Variants in MICALL2 observed in about 807,000 individuals in gnomAD.
MICALL2 encodes the protein MICAL like 2, also known as MICAL-like protein 2.
In MICALL2, 111 loss-of-function variants were observed where a neutral mutation model predicts 91.1. The ratio of observed to expected loss-of-function variants is 1.22; its 90% CI spans 1.04 to 1.43. The LOEUF (loss-of-function observed/expected upper bound fraction) is 1.43. Ranked by LOEUF, MICALL2 falls within the 40% of genes most tolerant of loss-of-function variation. The pLI, the probability that MICALL2 is intolerant of heterozygous loss-of-function variation, is 0.00. For synonymous variants in MICALL2, 694 were observed against 525.3 expected (o/e 1.32, Z -4.39); for missense variants, 1,556 against 1,236.0 (o/e 1.26, Z -3.88).
Position 1,452,474 on chromosome 7 carries a change from T to C in MICALL2, c.144-2186A>G, listed in dbSNP as rs1780870190. Reference sequence around the variant, plus strand: ...GAAAGCTCAAGCTCTTCTGCAGACCTTCCCTAGGGTCACTGACCAAAGCGG... The same window carrying C: ...GAAAGCTCAAGCTCTTCTGCAGACCCTCCCTAGGGTCACTGACCAAAGCGG... On this transcript the variant is annotated intron_variant, in intron 1 of 16. Coordinates refer to ENST00000297508, the MANE Select transcript of MICALL2 (RefSeq NM_182924.4). This position sits in a 1 kb window ranked among gnomAD's most constrained non-coding sequence, Gnocchi z 6.2. Among the ~76,000 whole-genome samples the C allele has an allele frequency of 6.6e-6, 1 of 151,784 alleles. No individual in the cohort carries two copies. The highest frequency in any genetic ancestry group is 2.4e-5 in the African/African-American group (1 of 41,376).
chr7:1,456,916 T>C (rs1781039223), intron 1 of MICALL2, among the ~76,000 whole-genome samples: 1 of 152,204 alleles, frequency 6.6e-6, no homozygotes, highest in African/African-American at 2.4e-5. Context: ...AAGCCTGTAC[T>C]AGCTTCTTCC....
At chr7:1,445,854 G>T (rs1584220851) in intron 5 of MICALL2, among the ~76,000 whole-genome samples, 2 of 152,198 alleles carry the variant, frequency 1.3e-5, no homozygotes, top group East Asian at 3.9e-4. Context: ...GCTGGGGACA[G>T]AAGTAGGGGG....
rs776670542 is a variant in MICALL2 at position 1,436,749 on chromosome 7, G to C, written c.2584C>G (p.Arg862Gly). Residue 862 changes from arginine to glycine, a missense_variant, in exon 15 of 17, where the codon CGG becomes GGG. Physicochemically the swap from Arg to Gly is moderately radical, Grantham distance 125. Coordinates refer to ENST00000297508, the MANE Select transcript of MICALL2 (RefSeq NM_182924.4). Reference sequence around the variant, plus strand: ...CCGGCACCTGCCCCTCACCGGAGCCGGTCCTCGTCCAGCGAGTCCACGATG... The same window carrying C: ...CCGGCACCTGCCCCTCACCGGAGCCCGTCCTCGTCCAGCGAGTCCACGATG... The part of the protein sequence containing the change: ...SDIVDSLDED[R>G]LREQEEDQML... 1.9e-6 allele frequency: 3 copies of C among 1,604,178 alleles called. No homozygotes were observed. Among genetic ancestry groups the C allele is most frequent in the South Asian group, 1.1e-5 (1 of 90,458 alleles).
Position 1,447,748 on chromosome 7 carries a change from C to G in MICALL2, c.352G>C (p.Val118Leu), listed in dbSNP as rs143607097. Residue 118 changes from valine (V) to leucine (L), a missense_variant, in exon 4 of 17, where the codon GTG (valine) becomes CTG (leucine). Transcript: ENST00000297508. ...GRSPIGGMAGVKRASEDSEEE... is the reference protein window; with the variant it reads ...GRSPIGGMAGLKRASEDSEEE... Reference sequence around the variant, plus strand: ...TCAGAGTCCTCCGAGGCCCTCTTCACGCCTGCCATGCCCCCAACTGGAGGA... The same window carrying G: ...TCAGAGTCCTCCGAGGCCCTCTTCAGGCCTGCCATGCCCCCAACTGGAGGA... The G allele has an allele frequency of 2.6e-6, 4 of 1,545,392 alleles. No homozygotes were observed. In the East Asian group the frequency reaches 9.6e-5, roughly 37 times the overall value.
chr7:1,437,548 GA>G lies in MICALL2; in HGVS notation c.2462del (p.Leu821ProfsTer8). On this transcript the variant is annotated frameshift_variant, in exon 14 of 17. Coordinates refer to ENST00000297508, the MANE Select transcript of MICALL2 (RefSeq NM_182924.4). LOFTEE classifies it high-confidence loss of function. ...QLDIEGELRR[L>X]MAKPEALKSL... ...CGGGGGACGCACCGGGCTTGGCCAT[GA>G]GCCGGCGCAGCTCGCCCTCGATGTC... 6.5e-7 allele frequency: 1 copy of G among 1,529,126 alleles called. No individual in the cohort carries two copies. Among genetic ancestry groups the G allele is most frequent in the Non-Finnish European group, 8.7e-7 (1 of 1,144,040 alleles). The allele number at this position is 1,529,126 out of a possible 1,614,324, so 94.7% of individuals were successfully genotyped here. A position where few individuals can be genotyped will look rare whatever the true frequency, so the allele number is the denominator to read the frequency against.
chr7:1,454,796 C>A (rs997313907), intron 1 of MICALL2, among the ~76,000 whole-genome samples: 2 of 152,140 alleles, frequency 1.3e-5, no homozygotes, highest in Admixed American at 1.3e-4. Context: ...GTGAGTCTCT[C>A]CCCTGGCCCC....
Position 1,438,167 on chromosome 7 carries a change from G to A in MICALL2, c.2241C>T (p.Ile747=), listed in dbSNP as rs370717122. ...GCTCCAGGGCGTCCAGCCGCCTCTC[G>A]ATGTCCTGCAGCTGCCTCTGTATCT... is the stretch of plus-strand genomic sequence containing the variant. ...PEEIQRQLQD[I]ERRLDALELR... is the part of the protein sequence containing the mutation. Residue 747 remains isoleucine, a synonymous_variant, in exon 12 of 17, where the codon ATC becomes ATT. Transcript: ENST00000297508. 218 of 1,567,224 alleles carry A rather than the reference G, an allele frequency of 1.4e-4. No individual in the cohort carries two copies. Among genetic ancestry groups the A allele is most frequent in the Middle Eastern group, 1.0e-3 (6 of 5,928 alleles).
chr7:1,436,686 G>C (rs1779981355), intron 15 of MICALL2, 56 bp downstream of exon 15: 3 of 1,367,504 alleles, frequency 2.2e-6, no homozygotes, highest in Non-Finnish European at 3.0e-6. Flanking sequence ...AGGGCCGGGA[G>C]CATGGACCAG....
intron 1 of MICALL2, among the ~76,000 whole-genome samples, chr7:1,453,902 A>G (rs2128525725): frequency 1.3e-5 from 2 of 152,218 alleles, no homozygotes; most frequent in South Asian, 4.2e-4. Context: ...TTCTTTCAAC[A>G]CTGGCTGAAG....
rs748306191 is a variant in MICALL2 at position 1,438,297 on chromosome 7, G to A, written c.2179C>T (p.Pro727Ser). 17 of 1,600,676 alleles carry A rather than the reference G, an allele frequency of 1.1e-5. No individual in the cohort carries two copies. The highest frequency in any genetic ancestry group is 1.4e-5 in the Non-Finnish European group (17 of 1,174,434). The change falls in exon 11 of 17, where the codon CCA becomes TCA. Residue 727 changes from proline (P) to serine (S), a missense_variant. By Grantham distance (74) the Pro-to-Ser change is moderately conservative. Transcript: ENST00000297508. The stretch of plus-strand genomic sequence containing the variant: ...TCCCCACCACTACTCACCCTGACTG[G>A]GGAGGTCACCGTCTCGCCAGGCAGA... ...PALPGETVTSPVRLHPDYLSP... is the reference protein window; with the variant it reads ...PALPGETVTSSVRLHPDYLSP...
chr7:1,446,835 A>T lies in MICALL2; in HGVS notation c.526-7T>A. On this transcript the variant is annotated splice_region_variant and splice_polypyrimidine_tract_variant and intron_variant, in intron 4 of 16. Transcript: ENST00000297508. ...TGCCCGCCAATGCCTGGTCCTGGGG[A>T]AGATGCCAGCACCTCTCTGAGCAGC... The T allele has an allele frequency of 6.4e-7, 1 of 1,570,576 alleles. No individual in the cohort carries two copies. Among genetic ancestry groups the T allele is most frequent in the Non-Finnish European group, 8.6e-7 (1 of 1,156,830 alleles).
At chr7:1,437,162 G>A (rs981886798) in intron 14 of MICALL2, 16 of 483,380 alleles carry the variant, frequency 3.3e-5, no homozygotes, top group Non-Finnish European at 5.4e-5. Flanking sequence ...GAGGCAGACG[G>A]CCTGGGCCTG....
Position 1,448,840 on chromosome 7 carries a change from A to T in MICALL2, c.193-79T>A, listed in dbSNP as rs1369288761. The T allele has an allele frequency of 9.0e-6, 14 of 1,551,476 alleles. No homozygotes were observed. In the East Asian group the frequency reaches 3.2e-4, roughly 35 times the overall value. On this transcript the variant is annotated intron_variant, in intron 2 of 16. Transcript: ENST00000297508. ...ACCAGGCCGCAGCTCACCTCGACTC[A>T]AAGACACAGTCTTGGAGCCCAAAGA...
At chr7:1,435,691 C>T (rs1026406151) in intron 15 of MICALL2, among the ~76,000 whole-genome samples, 2 of 152,268 alleles carry the variant, frequency 1.3e-5, no homozygotes, top group African/African-American at 4.8e-5. Context: ...GACAGGAAAG[C>T]TGTCGGGGAC....
intron 6 of MICALL2, among the ~76,000 whole-genome samples, 198 bp from the exon 7 acceptor site, chr7:1,442,682 CA>C (rs1562455948): frequency 7.1e-6 from 1 of 139,994 alleles, no homozygotes; most frequent in East Asian, 1.9e-4. Context: ...ACCATTGCAC[CA>C]GGCTGCCCCT....
chr7:1,438,740 C>T (rs1780110911), intron 10 of MICALL2, 100 bp downstream of exon 10: 2 of 1,508,560 alleles, frequency 1.3e-6, no homozygotes, highest in Non-Finnish European at 1.8e-6. Context: ...CATTCTAGGT[C>T]CTGTGAATGC....
At chr7:1,437,455 TCA>T (rs1780027952) in intron 14 of MICALL2, 78 bp downstream of exon 14, 4 of 1,318,744 alleles carry the variant, frequency 3.0e-6, no homozygotes, top group Non-Finnish European at 3.0e-6. Context: ...TCAGGTGGCC[TCA>T]CAGAGCCGGC....
rs1780324020 is a variant in MICALL2, at chr7:1,442,272, C to T, written c.1631G>A (p.Gly544Glu). The part of the protein sequence containing the change: ...AGRRNLAESS[G>E]VGRVGAGSRP... Reference sequence around the variant, plus strand: ...GGAGCCAGCACCCACCCTGCCGACCCCTGAGGATTCCGCCAAGTTCCTCCT... The same window carrying T: ...GGAGCCAGCACCCACCCTGCCGACCTCTGAGGATTCCGCCAAGTTCCTCCT... Residue 544 changes from glycine (G) to glutamate (E), a missense_variant, in exon 7 of 17, where the codon GGG becomes GAG. Coordinates refer to ENST00000297508, the MANE Select transcript of MICALL2 (RefSeq NM_182924.4). 1 of 1,612,972 alleles carries T rather than the reference C, an allele frequency of 6.2e-7. No individual in the cohort carries two copies. Among genetic ancestry groups the T allele is most frequent in the South Asian group, 1.1e-5 (1 of 91,084 alleles).
chr7:1,444,576 C>A, intron 6 of MICALL2, 76 bp downstream of exon 6: 2 of 1,425,936 alleles, frequency 1.4e-6, no homozygotes, highest in Non-Finnish European at 1.9e-6. Flanking sequence ...GCGCCCCCAA[C>A]CCCTCTGGCC....
Sources: allele counts gnomAD v4.1 joint callset (sites outside exome capture counted in the v4.1 genomes callset), GRCh38; gene constraint gnomAD v4.1.1; non-coding constraint Gnocchi (gnomAD v3.1); transcripts MANE v1.5; gene names NCBI Gene and HGNC (gene_info 2026-07-23, HGNC 2026-07-21).